LRRTM4: variants seen among roughly 807,000 people sequenced by gnomAD.
LRRTM4 encodes the protein leucine-rich repeat transmembrane neuronal protein 4.
A neutral mutation model predicts 47.6 loss-of-function variants in LRRTM4; 25 were observed. The observed-to-expected ratio is 0.53, with a 90% CI of 0.38 to 0.73. The LOEUF (loss-of-function observed/expected upper bound fraction) is 0.73. LRRTM4 is among the 30% of genes least tolerant of loss of function. The pLI is 0.00. For missense variants in LRRTM4, 638 were observed against 713.4 expected, an observed-to-expected ratio of 0.89 and a Z score of 1.20; for synonymous variants, 311 against 269.5, an observed-to-expected ratio of 1.15 and a Z score of -1.51.
At chr2:77,407,271 CTT>C (rs1409148160) in intron 3 of LRRTM4, among the ~76,000 whole-genome samples, 1 of 151,904 alleles carries the variant, frequency 6.6e-6, no homozygotes, top group African/African-American at 2.4e-5. Flanking sequence ...GAAAACAAAA[CTT>C]ATATAATCCA....
intron 3 of LRRTM4, among the ~76,000 whole-genome samples, chr2:76,990,721 A>G (rs578228584): frequency 1.3e-5 from 2 of 151,822 alleles, no homozygotes; most frequent in South Asian, 4.1e-4. Flanking sequence ...ACAACCACTG[A>G]TAGTGCATAG....
In LRRTM4 at chr2:77,043,270, T is replaced by C. The variant is rs149492785; in HGVS notation, c.1552-294354A>G. Among the ~76,000 whole-genome samples the C allele has an allele frequency of 2.6e-3, 396 of 151,926 alleles. 8 individuals carry two copies. The highest frequency in any genetic ancestry group is 0.021 in the East Asian group (111 of 5,164). ...TCTACCCATTCAAGTTTGGAGTTAA[T>C]GTTCCACCAACTAATAACTGACTTT... On this transcript the variant is annotated intron_variant, in intron 3 of 3. Coordinates refer to ENST00000409884, the MANE Select transcript of LRRTM4 (RefSeq NM_001134745.3).
intron 3 of LRRTM4, among the ~76,000 whole-genome samples, chr2:76,967,817 T>C (rs1423399860): frequency 7.3e-6 from 1 of 136,606 alleles, no homozygotes; most frequent in African/African-American, 3.2e-5. Flanking sequence ...TGCTTTGCTT[T>C]TTTTTTTAAA....
intron 3 of LRRTM4, among the ~76,000 whole-genome samples, chr2:76,795,255 TTTAA>T (rs1386568477): frequency 6.8e-6 from 1 of 146,704 alleles, no homozygotes; most frequent in Non-Finnish European, 1.5e-5. Flanking sequence ...AAAAATCATT[TTTAA>T]TTGACAAATA....
intron 3 of LRRTM4, among the ~76,000 whole-genome samples, chr2:77,097,182 T>C (rs1035201830): frequency 1.3e-4 from 20 of 151,880 alleles, no homozygotes; most frequent in Non-Finnish European, 2.2e-4. Context: ...CTGGAAGATA[T>C]TGTAATTCTT....
intron 3 of LRRTM4, among the ~76,000 whole-genome samples, chr2:77,460,358 T>A (rs1013711854): frequency 2.0e-5 from 3 of 152,174 alleles, no homozygotes; most frequent in Non-Finnish European, 4.4e-5. Context: ...GCATGCTTCT[T>A]GGCTAAATAA....
At chr2:76,758,742 T>C (rs1460088110) in intron 3 of LRRTM4, among the ~76,000 whole-genome samples, 11 of 152,204 alleles carry the variant, frequency 7.2e-5, no homozygotes, top group South Asian at 2.1e-4. Context: ...TTTGCCATAA[T>C]AGTTCATTTA....
intron 3 of LRRTM4, among the ~76,000 whole-genome samples, chr2:77,156,945 T>C (rs554356810): frequency 6.6e-6 from 1 of 152,090 alleles, no homozygotes; most frequent in East Asian, 1.9e-4. Flanking sequence ...TAACATTTTT[T>C]ACTTTTGAAA....
intron 3 of LRRTM4, among the ~76,000 whole-genome samples, chr2:76,797,535 G>T (rs545801517): frequency 2.6e-5 from 4 of 151,992 alleles, no homozygotes; most frequent in East Asian, 1.9e-4. Flanking sequence ...AGACCATCGA[G>T]ACTAGGAAGA....
intron 3 of LRRTM4, among the ~76,000 whole-genome samples, chr2:77,477,901 GAAAA>G (rs72353244): frequency 2.8e-5 from 2 of 71,062 alleles, no homozygotes; most frequent in South Asian, 5.0e-4. Context: ...GAAAAAGAAA[GAAAA>G]AGAAAGAAAG....
At chr2:77,209,756 A>C (rs1384391683) in intron 3 of LRRTM4, among the ~76,000 whole-genome samples, 1 of 152,228 alleles carries the variant, frequency 6.6e-6, no homozygotes, top group Non-Finnish European at 1.5e-5. Context: ...CAATGCTCTG[A>C]CCTGAATAAT....
At chr2:76,986,870 A>G (rs1676817534) in intron 3 of LRRTM4, among the ~76,000 whole-genome samples, 1 of 152,054 alleles carries the variant, frequency 6.6e-6, no homozygotes, top group East Asian at 1.9e-4. Context: ...ATGCAACTAA[A>G]ATAAACATGG....
intron 3 of LRRTM4, among the ~76,000 whole-genome samples, chr2:76,994,101 G>A (rs1677110955): frequency 6.6e-6 from 1 of 151,718 alleles, no homozygotes. Flanking sequence ...AATAGACACT[G>A]CAGACAATTA....
chr2:77,106,349 T>C (rs1051799708), intron 3 of LRRTM4, among the ~76,000 whole-genome samples: 6 of 152,298 alleles, frequency 3.9e-5, no homozygotes, highest in Non-Finnish European at 5.9e-5. Context: ...AGAATTTAGA[T>C]TAGCATTTCA....
intron 3 of LRRTM4, among the ~76,000 whole-genome samples, chr2:77,087,016 T>C (rs1180286731): frequency 2.0e-5 from 3 of 152,154 alleles, no homozygotes; most frequent in South Asian, 4.1e-4. Flanking sequence ...CAGCGTAATA[T>C]TGCAATTATC....
chr2:77,313,166 G>C (rs1472818495), intron 3 of LRRTM4, among the ~76,000 whole-genome samples: 1 of 146,732 alleles, frequency 6.8e-6, no homozygotes. Context: ...TTGCTGTGAC[G>C]TGCCTCCCTA....
chr2:77,412,396 A>C (rs954228487), intron 3 of LRRTM4, among the ~76,000 whole-genome samples: 2 of 152,222 alleles, frequency 1.3e-5, no homozygotes, highest in Non-Finnish European at 2.9e-5. Flanking sequence ...CCACAATTGC[A>C]TCTGTTCAGC....
chr2:77,381,403 T>C (rs141860767), intron 3 of LRRTM4, among the ~76,000 whole-genome samples: 9 of 151,950 alleles, frequency 5.9e-5, no homozygotes, highest in Non-Finnish European at 1.0e-4. Context: ...AAATGACAAA[T>C]GACAAGCAAG....
intron 3 of LRRTM4, among the ~76,000 whole-genome samples, chr2:77,189,691 T>G (rs1673610559): frequency 6.6e-6 from 1 of 152,086 alleles, no homozygotes. Context: ...GTTGTTTAAG[T>G]CACTAGTCTA....
Sources: allele counts gnomAD v4.1 joint callset (sites outside exome capture counted in the v4.1 genomes callset), GRCh38; gene constraint gnomAD v4.1.1; transcripts MANE v1.5; gene names NCBI Gene and HGNC (gene_info 2026-07-23, HGNC 2026-07-21).